The following F11 variants were observed in gnomAD, a reference collection of about 807,000 sequenced individuals.
F11 encodes coagualtion factor XI.
Under a neutral mutation model 76.5 loss-of-function variants are expected in F11, and 78 were observed. The observed-to-expected ratio is 1.02, with a 90% CI of 0.85 to 1.23. The LOEUF is 1.23. Ranked by LOEUF, F11 falls within the 50% of genes most tolerant of loss-of-function variation. F11 has a pLI of 0.00. For missense variants in F11, 742 were observed against 771.4 expected, an observed-to-expected ratio of 0.96 and a Z score of 0.45; for synonymous variants, 278 against 276.3, an observed-to-expected ratio of 1.01 and a Z score of -0.06.
chr4:186,278,436 T>A (rs759830641), intron 7 of F11, among the ~76,000 whole-genome samples: 1 of 152,212 alleles, frequency 6.6e-6, no homozygotes, highest in Non-Finnish European at 1.5e-5. Flanking sequence ...TCAGGCATTG[T>A]TCTGAAGGCT....
At position 186,285,723 on chromosome 4, in the gene F11, C is replaced by T. The variant is rs1057517035; in HGVS notation, c.1390C>T (p.Gln464Ter). 3 of 1,614,002 alleles carry T rather than the reference C, an allele frequency of 1.9e-6. No homozygotes were observed. The highest frequency in any genetic ancestry group is 2.5e-6 in the Non-Finnish European group (3 of 1,179,952). The change falls in exon 12 of 15, where the codon CAA becomes TAA. Residue 464 changes from glutamine to a stop codon, truncating the protein, a stop_gained. Transcript: ENST00000403665. LOFTEE classifies it high-confidence loss of function. ...IKEDTSFFGV[Q>*]EIIIHDQYKM... ...AGAGGACACATCTTTCTTTGGGGTTCAAGAAATAATAATCCATGATCAGTA... is the reference window on the plus strand; with the variant it reads ...AGAGGACACATCTTTCTTTGGGGTTTAAGAAATAATAATCCATGATCAGTA...
chr4:186,288,945 G>A lies in F11; in HGVS notation c.*331G>A. 1 of 335,514 alleles carries A rather than the reference G, an allele frequency of 3.0e-6. No individual in the cohort carries two copies. Among genetic ancestry groups the A allele is most frequent in the South Asian group, 2.6e-5 (1 of 38,350 alleles). The allele number at this position is 335,514 out of a possible 1,614,324, so 20.8% of individuals were successfully genotyped here. A position where few individuals can be genotyped will look rare whatever the true frequency, so the allele number is the denominator to read the frequency against. On this transcript the variant is annotated 3_prime_UTR_variant, in exon 15 of 15. Transcript: ENST00000403665. ...ACCAAGTAGTGGCAGTGGGGATCAG[G>A]CAGAAGAACTGGTAAAAGAAGCCAC...
intron 12 of F11, 142 bp from the exon 13 acceptor site, chr4:186,286,273 G>A: frequency 1.2e-6 from 1 of 801,250 alleles, no homozygotes; most frequent in South Asian, 1.4e-5. Flanking sequence ...GAACCTGAGG[G>A]AGGAAAATAC....
intron 14 of F11, 68 bp downstream of exon 14, chr4:186,287,891 G>T: frequency 6.5e-7 from 1 of 1,550,122 alleles, no homozygotes; most frequent in Admixed American, 1.7e-5. Context: ...GGGTTTTTTT[G>T]TTTGTTTTGT....
chr4:186,286,285 C>T (rs375193191), intron 12 of F11, 130 bp from the exon 13 acceptor site: 78 of 925,262 alleles, frequency 8.4e-5, no homozygotes, highest in African/African-American at 2.6e-4. Flanking sequence ...GGAAAATACA[C>T]GACAACAAGG....
chr4:186,280,286 C>T lies in F11; in HGVS notation c.929C>T (p.Ala310Val), dbSNP rs569456903. The T allele has an allele frequency of 5.0e-6, 8 of 1,614,182 alleles. No individual in the cohort carries two copies. The East Asian group carries it at 1.1e-4, about 22-fold the overall frequency. ...DFLGEELDIVAAKSHEACQKL... is the reference protein window; with the variant it reads ...DFLGEELDIVVAKSHEACQKL... ...TTGGGAGAAGAACTGGATATTGTTG[C>T]TGCAAAAAGTCACGAGGCCTGCCAG... The change falls in exon 9 of 15, where the codon GCT becomes GTT. Residue 310 changes from alanine to valine, a missense_variant. Coordinates refer to ENST00000403665, the MANE Select transcript of F11 (RefSeq NM_000128.4).
intron 3 of F11, chr4:186,272,831 G>A (rs1740078057): frequency 2.4e-6 from 1 of 416,938 alleles, no homozygotes; most frequent in African/African-American, 2.0e-5. Flanking sequence ...TTTACCAACA[G>A]GTCCTAGTTG....
chr4:186,271,489 C>T (rs2126719451), intron 2 of F11, 120 bp from the exon 3 acceptor site: 2 of 1,137,388 alleles, frequency 1.8e-6, no homozygotes, highest in East Asian at 2.4e-5. Context: ...CCTTGATTTC[C>T]AAATTCAGGC....
At position 186,276,315 on chromosome 4, in the gene F11, G is replaced by A. The variant is rs1489595409; in HGVS notation, c.680G>A (p.Gly227Asp). Residue 227 changes from glycine (G) to aspartate (D), a missense_variant, in exon 7 of 15, where the codon GGC becomes GAC. Transcript: ENST00000403665. ...ATGGCTCCCGATGCTTTTGTCTGTG[G>A]CCGAATCTGCACTCATCATCCCGGT... ...SVMAPDAFVC[G>D]RICTHHPGCL... 6 of 1,613,932 alleles carry A rather than the reference G, an allele frequency of 3.7e-6. No individual in the cohort carries two copies. The Admixed American group carries it at 5.0e-5, about 13-fold the overall frequency.
At chr4:186,275,976 C>A in intron 6 of F11, 80 bp downstream of exon 6, 2 of 1,191,410 alleles carry the variant, frequency 1.7e-6, no homozygotes, top group Non-Finnish European at 2.4e-6. Context: ...AGGATACCAG[C>A]TTATGCTCAC....
chr4:186,275,912 T>A lies in F11; in HGVS notation c.595+16T>A, dbSNP rs1740328022. The A allele has an allele frequency of 6.4e-7, 1 of 1,563,378 alleles. No individual in the cohort carries two copies. Among genetic ancestry groups the A allele is most frequent in the African/African-American group, 1.4e-5 (1 of 73,906 alleles). ...TCTAATCTGGGTAATTATCGACTTC[T>A]TGATGATGTAATTCAACCATTAAAT... On this transcript the variant is annotated intron_variant, in intron 6 of 14. Transcript: ENST00000403665.
chr4:186,273,636 A>G (rs896007985), intron 4 of F11, among the ~76,000 whole-genome samples: 1 of 151,940 alleles, frequency 6.6e-6, no homozygotes, highest in Non-Finnish European at 1.5e-5. Flanking sequence ...CATTTTTCCT[A>G]GAGACAGGGT....
Position 186,288,845 on chromosome 4 carries a change from CT to C in F11, c.*233del. ...TTCAGTCTCTTTGTTTTTGATCACG[CT>C]TCTATGGAGTCCAAGAATTACCATA... On this transcript the variant is annotated 3_prime_UTR_variant, in exon 15 of 15. Coordinates refer to ENST00000403665, the MANE Select transcript of F11 (RefSeq NM_000128.4). 1 of 523,124 alleles carries C rather than the reference CT, an allele frequency of 1.9e-6. No individual in the cohort carries two copies. The highest frequency in any genetic ancestry group is 3.6e-5 in the East Asian group (1 of 27,522). The allele number at this position is 523,124 out of a possible 1,614,324, so 32.4% of individuals were successfully genotyped here.
chr4:186,290,347 C>T (rs6552966), downstream of F11, among the ~76,000 whole-genome samples: 9,519 of 152,076 alleles, frequency 0.063, 554 homozygotes, highest in African/African-American at 0.15. Context: ...AATAAAATGA[C>T]GGTAGGACAT....
At position 186,288,541 on chromosome 4, in the gene F11, G is replaced by A. The variant is rs1283388722; in HGVS notation, c.1805G>A (p.Arg602Lys). The A allele has an allele frequency of 6.2e-7, 1 of 1,614,062 alleles. No individual in the cohort carries two copies. The highest frequency in any genetic ancestry group is 1.3e-5 in the African/African-American group (1 of 74,918). The change falls in exon 15 of 15, where the codon AGG (arginine) becomes AAG (lysine). Residue 602 changes from arginine to lysine, a missense_variant. Physicochemically the swap from Arg to Lys is conservative, Grantham distance 26. Coordinates refer to ENST00000403665, the MANE Select transcript of F11 (RefSeq NM_000128.4). Reference protein sequence around the residue: ...ITSWGEGCAQRERPGVYTNVV... With the variant: ...ITSWGEGCAQKERPGVYTNVV... ...AGCTGGGGCGAAGGCTGTGCTCAAA[G>A]GGAGCGGCCAGGTGTTTACACCAAC...
rs762013077 is a variant in F11, at chr4:186,273,071, G to A, written c.219G>A (p.Trp73Ter). The A allele has an allele frequency of 8.7e-6, 14 of 1,602,632 alleles. No homozygotes were observed. Among genetic ancestry groups the A allele is most frequent in the Non-Finnish European group, 1.1e-5 (13 of 1,170,062 alleles). Residue 73 changes from tryptophan (W) to a stop codon, truncating the protein, a stop_gained and splice_region_variant, in exon 4 of 15, where the codon TGG becomes TGA. Transcript: ENST00000403665. LOFTEE classifies it high-confidence loss of function. ...AESPSEDPTR[W>*]FTCVLKDSVT... ...TAATATGTATTTTTTAAAAAAACAGGTTTACTTGTGTCCTGAAAGACAGTG... is the reference window on the plus strand; with the variant it reads ...TAATATGTATTTTTTAAAAAAACAGATTTACTTGTGTCCTGAAAGACAGTG...
chr4:186,272,916 A>C, intron 3 of F11, 155 bp from the exon 4 acceptor site: 1 of 604,782 alleles, frequency 1.7e-6, no homozygotes, highest in South Asian at 2.0e-5. Context: ...TGAAGTAAAA[A>C]ACAAACTCAG....
Position 186,273,068 on chromosome 4 carries a change from C to T in F11, c.219-3C>T. The T allele has an allele frequency of 6.3e-7, 1 of 1,595,036 alleles. No individual in the cohort carries two copies. Among genetic ancestry groups the T allele is most frequent in the Non-Finnish European group, 8.6e-7 (1 of 1,163,558 alleles). ...CATTAATATGTATTTTTTAAAAAAA[C>T]AGGTTTACTTGTGTCCTGAAAGACA... On this transcript the variant is annotated splice_region_variant and splice_polypyrimidine_tract_variant and intron_variant, in intron 3 of 14. Coordinates refer to ENST00000403665, the MANE Select transcript of F11 (RefSeq NM_000128.4).
In F11 at chr4:186,288,589, T is replaced by G. The variant is rs281875276; in HGVS notation, c.1853T>G (p.Ile618Ser). Residue 618 changes from isoleucine to serine, a missense_variant, in exon 15 of 15, where the codon ATT becomes AGT. Coordinates refer to ENST00000403665, the MANE Select transcript of F11 (RefSeq NM_000128.4). ...AACGTGGTCGAGTACGTGGACTGGA[T>G]TCTGGAGAAAACTCAAGCAGTGTGA... ...YTNVVEYVDW[I>S]LEKTQAV 3.0e-5 allele frequency: 49 copies of G among 1,614,002 alleles called. No individual in the cohort carries two copies. The highest frequency in any genetic ancestry group is 4.2e-5 in the Non-Finnish European group (49 of 1,180,026).
Sources: gnomAD v4.1 joint callset for allele counts (sites outside exome capture counted in the v4.1 genomes callset) on GRCh38, gnomAD v4.1.1 for gene constraint, MANE v1.5 for transcripts, NCBI Gene and HGNC (gene_info 2026-07-23, HGNC 2026-07-21) for gene names.